Variants in MUC4 observed in about 807,000 individuals in gnomAD.
MUC4 encodes mucin 4, cell surface associated, also known as mucin-4.
MUC4 carries 202 observed loss-of-function variants against 257.9 expected under a neutral mutation model. That is an observed-to-expected ratio of 0.78 (90% confidence interval 0.70 to 0.88). The LOEUF is 0.88. MUC4 is among the 40% of genes least tolerant of loss of function. MUC4 has a pLI of 0.00. For synonymous variants in MUC4, 2,351 were observed against 2,757.1 expected, an observed-to-expected ratio of 0.85 and a Z score of 4.62; for missense variants, 5,976 against 6,513.7, an observed-to-expected ratio of 0.92 and a Z score of 2.84.
At chr3:195,802,793 T>G (rs1735514394) in intron 1 of MUC4, among the ~76,000 whole-genome samples, 1 of 152,234 alleles carries the variant, frequency 6.6e-6, no homozygotes, top group Non-Finnish European at 1.5e-5. Context: ...TTCTCGTTTC[T>G]GCGGGAGACA....
intron 22 of MUC4, 26 bp downstream of exon 22, chr3:195,751,181 G>T: frequency 6.5e-7 from 1 of 1,548,456 alleles, no homozygotes; most frequent in South Asian, 1.2e-5. Flanking sequence ...AGATCTGGGG[G>T]CTTAGGGGGA....
At position 195,755,595 on chromosome 3, in the gene MUC4, G is replaced by A. The variant is rs1256407207; in HGVS notation, c.15169-1223C>T. Among the ~76,000 whole-genome samples the A allele has an allele frequency of 6.6e-6, 1 of 151,914 alleles. No homozygotes were observed. Among genetic ancestry groups the A allele is most frequent in the African/African-American group, 2.4e-5 (1 of 41,332 alleles). The stretch of plus-strand genomic sequence containing the variant: ...ACAGCAGCTCAGCAAAGGCTGCGGC[G>A]CCGAGACCTCACCAAGCTCCCTGCG... On this transcript the variant is annotated intron_variant, in intron 18 of 24. Transcript: ENST00000463781. This position sits in a 1 kb window ranked among gnomAD's most constrained non-coding sequence, Gnocchi z 5.0.
Position 195,748,943 on chromosome 3 carries a change from A to G in MUC4, c.15993T>C (p.His5331=), listed in dbSNP as rs1236393407. Residue 5331 remains histidine (H), a synonymous_variant, in exon 24 of 25, where the codon CAT becomes CAC. Coordinates refer to ENST00000463781, the MANE Select transcript of MUC4 (RefSeq NM_018406.7). ...TGGGCAGGTGCTGGCACTGGCCTCC[A>G]TGGTCACAGTAGCCCCTACTGCACG... is the stretch of plus-strand genomic sequence containing the variant. ...VSPCSRGYCD[H]GGQCQHLPSG... 2 of 1,600,206 alleles carry G rather than the reference A, an allele frequency of 1.2e-6. No homozygotes were observed. The highest frequency in any genetic ancestry group is 2.3e-5 in the East Asian group (1 of 44,246).
chr3:195,786,568 G>A lies in MUC4; in HGVS notation c.5012C>T (p.Ser1671Phe), dbSNP rs200271894. The stretch of plus-strand genomic sequence containing the variant: ...GGTGGCGTGACCGGTGGATGCTGAG[G>A]AAGTGCTGGTGACAGGAAGAGGGGT... The part of the protein sequence containing the change: ...HATPLPVTST[S>F]SASTGHATPL... The change falls in exon 2 of 25, where the codon TCC becomes TTC. Residue 1671 changes from serine (S) to phenylalanine (F), a missense_variant. Physicochemically the swap from Ser to Phe is radical, Grantham distance 155 (BLOSUM62 -2). This residue lies in a region of MUC4 where 61 missense variants were observed against 100.2 expected (regional missense o/e 0.61). Transcript: ENST00000463781. The A allele has an allele frequency of 5.2e-3, 7,532 of 1,438,416 alleles. 719 individuals are homozygous for A. The African/African-American group carries it at 0.12, about 22-fold the overall frequency. The allele number at this position is 1,438,416 out of a possible 1,614,324, so 89.1% of individuals were successfully genotyped here.
chr3:195,800,040 G>A (rs1735096266), intron 1 of MUC4, among the ~76,000 whole-genome samples: 1 of 152,172 alleles, frequency 6.6e-6, no homozygotes, highest in South Asian at 2.1e-4. Context: ...CACTTTGGGA[G>A]GTCGAAGCGG....
At chr3:195,796,379 G>A (rs147591973) in intron 1 of MUC4, among the ~76,000 whole-genome samples, 4 of 152,122 alleles carry the variant, frequency 2.6e-5, no homozygotes, top group Non-Finnish European at 5.9e-5. Flanking sequence ...CACCTCGCCC[G>A]GCCACTATAA....
chr3:195,778,197 A>G, intron 3 of MUC4, 106 bp downstream of exon 3: 1 of 1,382,886 alleles, frequency 7.2e-7, no homozygotes, highest in Non-Finnish European at 9.7e-7. Context: ...GTCCTCGGTA[A>G]GGCCCTCCCC....
intron 19 of MUC4, chr3:195,753,660 C>T (rs1019975605): frequency 4.3e-6 from 1 of 232,662 alleles, no homozygotes; most frequent in Non-Finnish European, 8.2e-6. Context: ...TGGTAAAGGC[C>T]TCGCTGTGAT....
At chr3:195,760,526 A>AG (rs11431080) in intron 16 of MUC4, among the ~76,000 whole-genome samples, 1,774 of 15,686 alleles carry the variant, frequency 0.11, 62 homozygotes, top group East Asian at 0.22. Flanking sequence ...GCTAGGATGG[A>AG]TGGAGGGGGC....
At chr3:195,770,497 G>T in intron 5 of MUC4, 126 bp from the exon 6 acceptor site, 1 of 1,088,592 alleles carries the variant, frequency 9.2e-7, no homozygotes, top group Non-Finnish European at 1.3e-6. Context: ...CCCTGTCCCA[G>T]GCCTGCATTT....
At chr3:195,760,640 C>CTGGGAAGGCGTCCAGTGCTAGGAT in intron 16 of MUC4, among the ~76,000 whole-genome samples, 1 of 33,074 alleles carries the variant, frequency 3.0e-5, no homozygotes, top group African/African-American at 8.3e-5. Context: ...CTAGGATGGA[C>CTGGGAAGGCGTCCAGTGCTAGGAT]GGAGGGGGCT....
chr3:195,770,872 T>C (rs2260685), intron 5 of MUC4: 200,021 of 445,594 alleles, frequency 0.45, 49,084 homozygotes, highest in East Asian at 0.74. Context: ...CTTGTTAGGA[T>C]AGACCCCCTA....
intron 3 of MUC4, 96 bp downstream of exon 3, chr3:195,778,207 C>T: frequency 1.4e-6 from 2 of 1,437,134 alleles, no homozygotes; most frequent in Non-Finnish European, 1.9e-6. Flanking sequence ...AGGCCCTCCC[C>T]ACCCGAGAGA....
intron 18 of MUC4, among the ~76,000 whole-genome samples, chr3:195,754,904 TG>T (rs924436030): frequency 1.3e-4 from 4 of 30,832 alleles, no homozygotes; most frequent in Admixed American, 9.1e-4. Context: ...CATGTATGTA[TG>T]TGTGTGTCAT....
chr3:195,780,492 AGGGGTGGCCTGACCTGTGGATGCTGAG>A lies in MUC4; in HGVS notation c.11061_11087del (p.Ser3688_Pro3696del), dbSNP rs1727091441. On this transcript the variant is annotated inframe_deletion, in exon 2 of 25. Transcript: ENST00000463781. ...ATGAGGAAGGGATGGTGACAGGAAGAGGGGTGGCCTGACCTGTGGATGCTGAGGAAGTGTCCGTGACAGGAAGACGGG... is the reference window on the plus strand; with the variant it reads ...ATGAGGAAGGGATGGTGACAGGAAGAGAAGTGTCCGTGACAGGAAGACGGG... 6.9e-7 allele frequency: 1 copy of A among 1,454,324 alleles called. No homozygotes were observed. The highest frequency in any genetic ancestry group is 3.0e-5 in the East Asian group (1 of 33,682). 90.1% of individuals were successfully genotyped at this position (1,454,324 alleles called of 1,614,324 possible).
rs1482608421 is a variant in MUC4, at chr3:195,760,724, G to C, written c.14848+160C>G. Among the ~76,000 whole-genome samples, 3 of 152,314 alleles carry C rather than the reference G, an allele frequency of 2.0e-5. No homozygotes were observed. The East Asian group carries it at 5.8e-4, about 29-fold the overall frequency. On this transcript the variant is annotated intron_variant, in intron 16 of 24. Transcript: ENST00000463781. ...CCGAAGGCCACTGCAAGGATGGAGAGAGCCAGGGAAGTCTCTGAAGGGTTT... is the reference window on the plus strand; with the variant it reads ...CCGAAGGCCACTGCAAGGATGGAGACAGCCAGGGAAGTCTCTGAAGGGTTT...
intron 12 of MUC4, 78 bp from the exon 13 acceptor site, chr3:195,763,023 T>TGGGGCTGGAAGCTGCGCCC: frequency 8.1e-7 from 1 of 1,237,896 alleles, no homozygotes; most frequent in Non-Finnish European, 1.1e-6. Flanking sequence ...GGAGAGCCCC[T>TGGGGCTGGAAGCTGCGCCC]GGGGCTGGAA....
rs1297324252 is a variant in MUC4 at position 195,788,986 on chromosome 3, G to A, written c.2594C>T (p.Ser865Phe). Residue 865 changes from serine to phenylalanine, a missense_variant, in exon 2 of 25, where the codon TCT (serine) becomes TTT (phenylalanine). Coordinates refer to ENST00000463781, the MANE Select transcript of MUC4 (RefSeq NM_018406.7). ...GAIPVSTGMA[S>F]SIVPGTFHPT... ...ATGAAAGGTGCCGGGGACGATCGAAGACGCCATTCCTGTGCTTACTGGGAT... is the reference window on the plus strand; with the variant it reads ...ATGAAAGGTGCCGGGGACGATCGAAAACGCCATTCCTGTGCTTACTGGGAT... The A allele has an allele frequency of 6.2e-7, 1 of 1,613,838 alleles. No individual in the cohort carries two copies.
chr3:195,789,407 C>T lies in MUC4; in HGVS notation c.2173G>A (p.Gly725Arg). 6.2e-7 allele frequency: 1 copy of T among 1,613,852 alleles called. No individual in the cohort carries two copies. The highest frequency in any genetic ancestry group is 8.5e-7 in the Non-Finnish European group (1 of 1,179,860). Residue 725 changes from glycine to arginine, a missense_variant, in exon 2 of 25, where the codon GGG becomes AGG. Gly to Arg is a moderately radical substitution (Grantham distance 125). Transcript: ENST00000463781. ...GAAAGTGACGTGCCTCCTGAGGGCC[C>T]CAGGGTGGCATCATGGCTGCTGGGT... The part of the protein sequence containing the change: ...AAPSSHDATL[G>R]PSGGTSLSKT...
Sources: gnomAD v4.1 joint callset for allele counts (sites outside exome capture counted in the v4.1 genomes callset) on GRCh38, gnomAD v4.1.1 for gene constraint, gnomAD v4.1.1 regional missense constraint, Gnocchi (gnomAD v3.1) non-coding constraint, MANE v1.5 for transcripts, NCBI Gene and HGNC (gene_info 2026-07-23, HGNC 2026-07-21) for gene names.